The following C22orf39 variants were observed in gnomAD, a reference collection of about 807,000 sequenced individuals.
The protein encoded by C22orf39 is synaptic plasticity regulator PANTS.
A neutral mutation model predicts 18.3 loss-of-function variants in C22orf39; 20 were observed. The observed-to-expected ratio is 1.09, with a 90% CI of 0.77 to 1.59. The LOEUF (loss-of-function observed/expected upper bound fraction) is 1.59. Among genes scored for constraint, C22orf39 ranks in the 40% most tolerant of loss-of-function variants. C22orf39 has a pLI of 0.00. For missense variants in C22orf39, 195 were observed against 156.1 expected (o/e 1.25, Z -1.33); for synonymous variants, 63 against 59.6 (o/e 1.06, Z -0.26).
rs902074248 is a variant in C22orf39, at chr22:19,444,217, C to G, written c.*48G>C. 4.6e-6 allele frequency: 7 copies of G among 1,522,224 alleles called. No homozygotes were observed. The highest frequency in any genetic ancestry group is 8.8e-7 in the Non-Finnish European group (1 of 1,141,866). 94.3% of individuals were successfully genotyped at this position (1,522,224 alleles called of 1,614,324 possible). A position where few individuals can be genotyped will look rare whatever the true frequency, so the allele number is the denominator to read the frequency against. On this transcript the variant is annotated 3_prime_UTR_variant, in exon 3 of 3. Transcript: ENST00000399562. ...AGTCCCCAGGGCTGTGCAACAGCAA[C>G]TTGAAACAGACTGAGGAAGCTGCAC...
In C22orf39 at chr22:19,443,200, CT is replaced by C; in HGVS notation, c.*1064del. ...CACCCTTCTAACGTGATAGATTATT[CT>C]GCCCCAAAGAACAAATTAAAAGATA... On this transcript the variant is annotated 3_prime_UTR_variant, in exon 3 of 3. Transcript: ENST00000399562. The C allele has an allele frequency of 5.1e-6, 5 of 982,882 alleles. No individual in the cohort carries two copies. Among genetic ancestry groups the C allele is most frequent in the Non-Finnish European group, 6.0e-6 (5 of 829,532 alleles). 60.9% of individuals were successfully genotyped at this position (982,882 alleles called of 1,614,324 possible). A position where few individuals can be genotyped will look rare whatever the true frequency, so the allele number is the denominator to read the frequency against.
rs779878857 is a variant in C22orf39 at position 19,447,402 on chromosome 22, C to T, written c.168G>A (p.Glu56=). ...CCTGGGCCTCGGCGTTCCGGCGCTCCTCCCAGTCGCGGCAGCTGGCCAGGT... is the reference window on the plus strand; with the variant it reads ...CCTGGGCCTCGGCGTTCCGGCGCTCTTCCCAGTCGCGGCAGCTGGCCAGGT... The part of the protein sequence containing the change: ...QRDLASCRDW[E]ERRNAEAQQS... The change falls in exon 2 of 3, where the codon GAG becomes GAA. Residue 56 remains glutamate (E), a synonymous_variant. Transcript: ENST00000399562. 1.3e-6 allele frequency: 2 copies of T among 1,505,284 alleles called. No individual in the cohort carries two copies. The highest frequency in any genetic ancestry group is 2.7e-5 in the East Asian group (1 of 37,170). 93.2% of individuals were successfully genotyped at this position (1,505,284 alleles called of 1,614,324 possible). A position where few individuals can be genotyped will look rare whatever the true frequency, so the allele number is the denominator to read the frequency against.
At position 19,444,078 on chromosome 22, in the gene C22orf39, T is replaced by TC; in HGVS notation, c.*186dup. The stretch of plus-strand genomic sequence containing the variant: ...AATTGTCCTGCAGAACATCGCAGTG[T>TC]CAGGGTATCCTGCATGCAGGTGAGG... On this transcript the variant is annotated 3_prime_UTR_variant, in exon 3 of 3. Transcript: ENST00000399562. 7.5e-7 allele frequency: 1 copy of TC among 1,328,700 alleles called. No individual in the cohort carries two copies. The highest frequency in any genetic ancestry group is 9.6e-7 in the Non-Finnish European group (1 of 1,046,362). The allele number at this position is 1,328,700 out of a possible 1,614,324, so 82.3% of individuals were successfully genotyped here. A position where few individuals can be genotyped will look rare whatever the true frequency, so the allele number is the denominator to read the frequency against.
At position 19,443,158 on chromosome 22, in the gene C22orf39, T is replaced by A. The variant is rs1601877874; in HGVS notation, c.*1107A>T. On this transcript the variant is annotated 3_prime_UTR_variant, in exon 3 of 3. Transcript: ENST00000399562. ...GAGAAAACACACTCAAGCAGGGAAATACTGTTCTTTAATGGACACCCTTCT... is the reference window on the plus strand; with the variant it reads ...GAGAAAACACACTCAAGCAGGGAAAAACTGTTCTTTAATGGACACCCTTCT... The A allele has an allele frequency of 1.1e-6, 1 of 951,886 alleles. No individual in the cohort carries two copies. Among genetic ancestry groups the A allele is most frequent in the Non-Finnish European group, 1.2e-6 (1 of 824,058 alleles). 59.0% of individuals were successfully genotyped at this position (951,886 alleles called of 1,614,324 possible). A position where few individuals can be genotyped will look rare whatever the true frequency, so the allele number is the denominator to read the frequency against.
chr22:19,441,459 G>GTCTAT lies in C22orf39; in HGVS notation c.*2801_*2805dup, dbSNP rs1388210302. The GTCTAT allele has an allele frequency of 1.7e-6, 1 of 579,686 alleles. No homozygotes were observed. Among genetic ancestry groups the GTCTAT allele is most frequent in the African/African-American group, 1.9e-5 (1 of 53,508 alleles). 35.9% of individuals were successfully genotyped at this position (579,686 alleles called of 1,614,324 possible). A position where few individuals can be genotyped will look rare whatever the true frequency, so the allele number is the denominator to read the frequency against. ...CAACAATAATATGCTATATATAACA[G>GTCTAT]TCTATGCCAGATAATAATGTAAAAT... On this transcript the variant is annotated 3_prime_UTR_variant, in exon 3 of 3. Coordinates refer to ENST00000399562, the MANE Select transcript of C22orf39 (RefSeq NM_173793.5).
intron 2 of C22orf39, among the ~76,000 whole-genome samples, chr22:19,447,144 C>T (rs752093224): frequency 1.3e-5 from 1 of 75,122 alleles, no homozygotes; most frequent in Non-Finnish European, 2.8e-5. Context: ...GCCCTCTTCC[C>T]TCTCTAAACC....
chr22:19,447,103 G>A (rs117750028), intron 2 of C22orf39, among the ~76,000 whole-genome samples: 2,469 of 152,232 alleles, frequency 0.016, 33 homozygotes, highest in Middle Eastern at 0.031. Flanking sequence ...CTCCTGCGTA[G>A]GCCAGCTGAT....
In C22orf39 at chr22:19,443,243, T is replaced by G; in HGVS notation, c.*1022A>C. ...TAAAAGATATTCAACTTGCTGCCTG[T>G]GTCCAGGAAGAGAGCAGGGAGGGTG... On this transcript the variant is annotated 3_prime_UTR_variant, in exon 3 of 3. Transcript: ENST00000399562. The G allele has an allele frequency of 4.1e-6, 4 of 985,468 alleles. No homozygotes were observed. Among genetic ancestry groups the G allele is most frequent in the Non-Finnish European group, 4.8e-6 (4 of 829,952 alleles). 61.0% of individuals were successfully genotyped at this position (985,468 alleles called of 1,614,324 possible).
At chr22:19,446,686 G>C (rs2089641397) in intron 2 of C22orf39, among the ~76,000 whole-genome samples, 1 of 152,094 alleles carries the variant, frequency 6.6e-6, no homozygotes, top group Non-Finnish European at 1.5e-5. Context: ...CAAACAGATT[G>C]AACTTCTTTT....
chr22:19,446,670 C>T (rs1647616679), intron 2 of C22orf39, among the ~76,000 whole-genome samples: 1 of 152,204 alleles, frequency 6.6e-6, no homozygotes, highest in African/African-American at 2.4e-5. Flanking sequence ...ATTCTCTACA[C>T]CCTAGCAAAC....
chr22:19,446,707 T>TC (rs1491024561), intron 2 of C22orf39, among the ~76,000 whole-genome samples: 1 of 151,944 alleles, frequency 6.6e-6, no homozygotes, highest in Non-Finnish European at 1.5e-5. Context: ...ACCCTCTCTC[T>TC]TTTTTTTCCC....
rs1366120311 is a variant in C22orf39 at position 19,447,434 on chromosome 22, G to A, written c.136C>T (p.Gln46Ter). Residue 46 changes from glutamine (Q) to a stop codon, truncating the protein, a stop_gained, in exon 2 of 3, where the codon CAG becomes TAG. Transcript: ENST00000399562. LOFTEE classifies it high-confidence loss of function. ...HGERPACEQW[Q>*]RDLASCRDWE... ...TCGCGGCAGCTGGCCAGGTCGCGCT[G>A]CCACTGTTCGCAGGCCGGCCGCTCG... The A allele has an allele frequency of 4.6e-6, 7 of 1,511,798 alleles. No homozygotes were observed. Among genetic ancestry groups the A allele is most frequent in the East Asian group, 2.7e-5 (1 of 37,576 alleles). 93.6% of individuals were successfully genotyped at this position (1,511,798 alleles called of 1,614,324 possible). A position where few individuals can be genotyped will look rare whatever the true frequency, so the allele number is the denominator to read the frequency against.
Position 19,441,951 on chromosome 22 carries a change from T to C in C22orf39, c.*2314A>G. 1 of 391,028 alleles carries C rather than the reference T, an allele frequency of 2.6e-6. No individual in the cohort carries two copies. Among genetic ancestry groups the C allele is most frequent in the Non-Finnish European group, 4.6e-6 (1 of 218,734 alleles). 24.2% of individuals were successfully genotyped at this position (391,028 alleles called of 1,614,324 possible). On this transcript the variant is annotated 3_prime_UTR_variant, in exon 3 of 3. Coordinates refer to ENST00000399562, the MANE Select transcript of C22orf39 (RefSeq NM_173793.5). Reference sequence around the variant, plus strand: ...CTGGAACTACAAATGCACGCCACCATGCATAGCTCATTTATTTTTTGTAGA... The same window carrying C: ...CTGGAACTACAAATGCACGCCACCACGCATAGCTCATTTATTTTTTGTAGA...
At chr22:19,446,310 T>C (rs1277775423) in intron 2 of C22orf39, among the ~76,000 whole-genome samples, 1 of 152,244 alleles carries the variant, frequency 6.6e-6, no homozygotes, top group Non-Finnish European at 1.5e-5. Context: ...TTTCACATAT[T>C]ATGGAATAGT....
rs2089627046 is a variant in C22orf39, at chr22:19,443,981, T to C, written c.*284A>G. On this transcript the variant is annotated 3_prime_UTR_variant, in exon 3 of 3. Transcript: ENST00000399562. ...AGGACCGCCATCTCCTATGCTACCA[T>C]GCCCAGCCTGACCTGGCTGCTCACA... The C allele has an allele frequency of 3.4e-6, 4 of 1,174,692 alleles. No homozygotes were observed. Among genetic ancestry groups the C allele is most frequent in the Non-Finnish European group, 4.2e-6 (4 of 950,798 alleles). The allele number at this position is 1,174,692 out of a possible 1,614,324, so 72.8% of individuals were successfully genotyped here. A position where few individuals can be genotyped will look rare whatever the true frequency, so the allele number is the denominator to read the frequency against.
In C22orf39 at chr22:19,444,388, T is replaced by A. The variant is rs537072711; in HGVS notation, c.195A>T (p.Gln65His). 8 of 1,598,006 alleles carry A rather than the reference T, an allele frequency of 5.0e-6. No homozygotes were observed. In the Admixed American group the frequency reaches 1.2e-4, roughly 24 times the overall value. The change falls in exon 3 of 3, where the codon CAA becomes CAT. Residue 65 changes from glutamine (Q) to histidine (H), a missense_variant and splice_region_variant. Transcript: ENST00000399562. ...GTGCCCGCTCGCTCTCACAGAGGGATTGCTGTGCAAATGAGACTCTAGTCA... is the reference window on the plus strand; with the variant it reads ...GTGCCCGCTCGCTCTCACAGAGGGAATGCTGTGCAAATGAGACTCTAGTCA... ...WEERRNAEAQQSLCESERARV... is the reference protein window; with the variant it reads ...WEERRNAEAQHSLCESERARV...
In C22orf39 at chr22:19,443,794, G is replaced by A. The variant is rs559666865; in HGVS notation, c.*471C>T. The A allele has an allele frequency of 2.0e-6, 2 of 984,998 alleles. No individual in the cohort carries two copies. Among genetic ancestry groups the A allele is most frequent in the East Asian group, 2.3e-4 (2 of 8,750 alleles). 61.0% of individuals were successfully genotyped at this position (984,998 alleles called of 1,614,324 possible). A position where few individuals can be genotyped will look rare whatever the true frequency, so the allele number is the denominator to read the frequency against. On this transcript the variant is annotated 3_prime_UTR_variant, in exon 3 of 3. Transcript: ENST00000399562. ...ACTGAGCGAGTGGAGCAGAGTGTGA[G>A]CACTCACAATGCTCACCAAACCTGG...
rs1244168339 is a variant in C22orf39 at position 19,442,179 on chromosome 22, C to T, written c.*2086G>A. On this transcript the variant is annotated 3_prime_UTR_variant, in exon 3 of 3. Coordinates refer to ENST00000399562, the MANE Select transcript of C22orf39 (RefSeq NM_173793.5). ...CTCTTTGAAGACAACTTGTCTGTTTCAAAACTGTGGTCTTATAAGCCTCAA... is the reference window on the plus strand; with the variant it reads ...CTCTTTGAAGACAACTTGTCTGTTTTAAAACTGTGGTCTTATAAGCCTCAA... 1 of 153,934 alleles carries T rather than the reference C, an allele frequency of 6.5e-6. No homozygotes were observed. Among genetic ancestry groups the T allele is most frequent in the Admixed American group, 6.5e-5 (1 of 15,488 alleles). 9.5% of individuals were successfully genotyped at this position (153,934 alleles called of 1,614,324 possible).
chr22:19,447,640 C>T (rs933087186), intron 1 of C22orf39, 25 bp downstream of exon 1: 4 of 1,608,008 alleles, frequency 2.5e-6, no homozygotes, highest in African/African-American at 2.7e-5. Context: ...CCCGGTGGTT[C>T]CCGGCTCCGA....
Sources: allele counts gnomAD v4.1 joint callset (sites outside exome capture counted in the v4.1 genomes callset), GRCh38; gene constraint gnomAD v4.1.1; transcripts MANE v1.5; gene names NCBI Gene and HGNC (gene_info 2026-07-23, HGNC 2026-07-21).